The following PCDHAC1 variants were observed in gnomAD, a reference collection of about 807,000 sequenced individuals.
PCDHAC1 encodes protocadherin alpha subfamily C, 1, also known as protocadherin alpha-C1.
PCDHAC1 carries 42 observed loss-of-function variants against 60.0 expected under a neutral mutation model. The ratio of observed to expected loss-of-function variants is 0.70; its 90% CI spans 0.55 to 0.90. PCDHAC1 has a LOEUF of 0.90. Ranked by LOEUF, PCDHAC1 falls within the 40% of genes least tolerant of loss-of-function variation. The pLI is 0.00. For missense variants in PCDHAC1, 1,160 were observed against 1,222.3 expected, an observed-to-expected ratio of 0.95 and a Z score of 0.76; for synonymous variants, 468 against 499.3, an observed-to-expected ratio of 0.94 and a Z score of 0.84.
intron 3 of PCDHAC1, 112 bp downstream of exon 3, chr5:140,982,675 T>A (rs782533593): frequency 1.3e-4 from 192 of 1,441,664 alleles, no homozygotes; most frequent in Middle Eastern, 9.1e-4. Flanking sequence ...ATTTTTGTTA[T>A]TCCCTTTTTT....
In PCDHAC1 at chr5:140,926,906, G is replaced by A. The variant is rs781809570; in HGVS notation, c.14G>A (p.Gly5Glu). ...CCTAGAGGGAGGATGGTGGGCTGTG[G>A]GGTGGCAGTTTTATGTTTGTGGGTT... is the stretch of plus-strand genomic sequence containing the variant. MVGC[G>E]VAVLCLWVSC... The change falls in exon 1 of 4, where the codon GGG becomes GAG. Residue 5 changes from glycine to glutamate, a missense_variant. Gly to Glu is a moderately conservative substitution (Grantham distance 98). Coordinates refer to ENST00000253807, the MANE Select transcript of PCDHAC1 (RefSeq NM_018898.5). 6.4e-7 allele frequency: 1 copy of A among 1,559,584 alleles called. No homozygotes were observed. The highest frequency in any genetic ancestry group is 1.8e-5 in the Admixed American group (1 of 54,772).
chr5:140,980,749 G>A (rs1388943582), intron 2 of PCDHAC1, among the ~76,000 whole-genome samples: 1 of 151,942 alleles, frequency 6.6e-6, no homozygotes, highest in Non-Finnish European at 1.5e-5. Flanking sequence ...TTTGAGTAGG[G>A]TAAGAAATAA....
intron 3 of PCDHAC1, among the ~76,000 whole-genome samples, chr5:140,989,866 T>G (rs2097364293): frequency 6.6e-6 from 1 of 152,012 alleles, no homozygotes; most frequent in South Asian, 2.1e-4. Flanking sequence ...GGAATCTTTC[T>G]CTGCCTCAGC....
chr5:140,983,113 A>G (rs2097027812), intron 3 of PCDHAC1, among the ~76,000 whole-genome samples: 2 of 152,254 alleles, frequency 1.3e-5, no homozygotes, highest in Admixed American at 6.5e-5. Context: ...CTGCACATCA[A>G]CAACATTCTG....
In PCDHAC1 at chr5:140,927,110, G is replaced by A; in HGVS notation, c.218G>A (p.Gly73Asp). The A allele has an allele frequency of 1.2e-6, 2 of 1,613,752 alleles. No homozygotes were observed. The highest frequency in any genetic ancestry group is 1.7e-6 in the Non-Finnish European group (2 of 1,179,812). The change falls in exon 1 of 4, where the codon GGC becomes GAC. Residue 73 changes from glycine to aspartate, a missense_variant. By Grantham distance (94) the Gly-to-Asp change is moderately conservative. Transcript: ENST00000253807. ...ELYFGVDLPS[G>D]NLVVREPADR... ...TACTTCGGGGTGGATCTACCCAGCG[G>A]CAATTTGGTGGTCAGAGAGCCGGCG...
chr5:141,005,255 CACTGGTGATACATTGGTGAAT>C (rs1319250318), intron 3 of PCDHAC1, among the ~76,000 whole-genome samples: 1 of 152,182 alleles, frequency 6.6e-6, no homozygotes, highest in African/African-American at 2.4e-5. Context: ...TTGTGCTAGG[CACTGGTGATACATTGGTGAAT>C]AAACAGATAC....
chr5:140,930,794 T>G (rs2087114829), intron 1 of PCDHAC1, among the ~76,000 whole-genome samples: 1 of 152,200 alleles, frequency 6.6e-6, no homozygotes, highest in Non-Finnish European at 1.5e-5. Context: ...TATAATAGAA[T>G]CCAGCATATA....
chr5:140,998,107 A>G (rs138517610), intron 3 of PCDHAC1, among the ~76,000 whole-genome samples: 1 of 152,328 alleles, frequency 6.6e-6, no homozygotes, highest in Non-Finnish European at 1.5e-5. Flanking sequence ...AACAGAGGAG[A>G]AAATTTACTT....
At chr5:140,946,720 A>C (rs1460843213) in intron 1 of PCDHAC1, among the ~76,000 whole-genome samples, 4 of 150,970 alleles carry the variant, frequency 2.6e-5, no homozygotes, top group African/African-American at 9.8e-5. Flanking sequence ...ATGTTTAGTT[A>C]AATAAGCCAG....
At chr5:140,932,028 G>A (rs1299372751) in intron 1 of PCDHAC1, among the ~76,000 whole-genome samples, 1 of 151,864 alleles carries the variant, frequency 6.6e-6, no homozygotes, top group South Asian at 2.1e-4. Flanking sequence ...TAAGTTTACA[G>A]TATATATTAA....
At chr5:140,985,154 G>T (rs2097139142) in intron 3 of PCDHAC1, among the ~76,000 whole-genome samples, 1 of 152,086 alleles carries the variant, frequency 6.6e-6, no homozygotes, top group South Asian at 2.1e-4. Flanking sequence ...AGCCAGGATT[G>T]TCTCAATCTC....
intron 1 of PCDHAC1, chr5:140,968,151 T>C: frequency 6.2e-7 from 1 of 1,614,134 alleles, no homozygotes; most frequent in Non-Finnish European, 8.5e-7. Flanking sequence ...ATCTCTGACA[T>C]CAATGACAAT....
At chr5:140,981,019 T>C (rs1396794400) in intron 2 of PCDHAC1, among the ~76,000 whole-genome samples, 1 of 152,124 alleles carries the variant, frequency 6.6e-6, no homozygotes, top group Non-Finnish European at 1.5e-5. Flanking sequence ...ACTTGAAGGC[T>C]GTTAATATTT....
intron 1 of PCDHAC1, among the ~76,000 whole-genome samples, chr5:140,957,275 C>T (rs1203444899): frequency 6.6e-6 from 1 of 152,158 alleles, no homozygotes; most frequent in African/African-American, 2.4e-5. Flanking sequence ...CTAGTCCCCC[C>T]TTACCTGCAG....
intron 1 of PCDHAC1, among the ~76,000 whole-genome samples, chr5:140,977,966 G>A (rs562447024): frequency 3.9e-5 from 6 of 152,004 alleles, no homozygotes; most frequent in South Asian, 4.2e-4. Context: ...CTCAATCTCC[G>A]CCCATGAAAA....
At chr5:140,943,717 T>A (rs1269511670) in intron 1 of PCDHAC1, among the ~76,000 whole-genome samples, 1 of 152,108 alleles carries the variant, frequency 6.6e-6, no homozygotes, top group Non-Finnish European at 1.5e-5. Context: ...CATTTAAAGG[T>A]CTGAGAGAAT....
At chr5:140,937,326 C>G (rs1287239556) in intron 1 of PCDHAC1, among the ~76,000 whole-genome samples, 2 of 152,046 alleles carry the variant, frequency 1.3e-5, no homozygotes, top group Non-Finnish European at 2.9e-5. Flanking sequence ...CGTGAGCCAC[C>G]GCGCCCGGCT....
chr5:140,929,870 A>T (rs1056539262), intron 1 of PCDHAC1: 1 of 153,262 alleles, frequency 6.5e-6, no homozygotes, highest in Admixed American at 6.5e-5. Flanking sequence ...AGGCTTTGTG[A>T]TAGAGATCAC....
In PCDHAC1 at chr5:140,927,490, C is replaced by G; in HGVS notation, c.598C>G (p.Leu200Val). The change falls in exon 1 of 4, where the codon CTG (leucine) becomes GTG (valine). Residue 200 changes from leucine to valine, a missense_variant. Leu to Val is a conservative substitution (Grantham distance 32, BLOSUM62 1). This residue lies in a region of PCDHAC1 where 1,113 missense variants were observed against 1,163.7 expected (regional missense o/e 0.96). Coordinates refer to ENST00000253807, the MANE Select transcript of PCDHAC1 (RefSeq NM_018898.5). ...ALDREQRATH[L>V]LVLTARDGGL... is the part of the protein sequence containing the mutation. ...GGATCGCGAACAGCGCGCCACCCACCTGCTGGTGCTTACAGCTCGGGACGG... is the reference window on the plus strand; with the variant it reads ...GGATCGCGAACAGCGCGCCACCCACGTGCTGGTGCTTACAGCTCGGGACGG... 1.2e-6 allele frequency: 2 copies of G among 1,614,132 alleles called. No homozygotes were observed. Among genetic ancestry groups the G allele is most frequent in the Non-Finnish European group, 8.5e-7 (1 of 1,180,048 alleles).
Sources: allele counts gnomAD v4.1 joint callset (sites outside exome capture counted in the v4.1 genomes callset), GRCh38; gene constraint gnomAD v4.1.1; regional missense constraint gnomAD v4.1.1; transcripts MANE v1.5; gene names NCBI Gene and HGNC (gene_info 2026-07-23, HGNC 2026-07-21).